ADGRV1: variants seen among roughly 807,000 people sequenced by gnomAD.
ADGRV1 encodes adhesion G protein-coupled receptor V1, also known as G-protein coupled receptor 98.
In ADGRV1, 359 loss-of-function variants were observed where a neutral mutation model predicts 596.2. The observed-to-expected ratio is 0.60, with a 90% CI of 0.55 to 0.66. The LOEUF (loss-of-function observed/expected upper bound fraction) is 0.66. ADGRV1 is among the 30% of genes least tolerant of loss of function. ADGRV1 has a pLI of 0.00. For synonymous variants in ADGRV1, 2,681 were observed against 2,679.2 expected (o/e 1.00, Z -0.02); for missense variants, 7,274 against 7,575.6 (o/e 0.96, Z 1.48).
intron 25 of ADGRV1, chr5:90,676,851 ATACCT>A (rs1484894615): frequency 6.6e-6 from 1 of 152,210 alleles, no homozygotes; most frequent in East Asian, 1.9e-4. Context: ...GAAGTCAACA[ATACCT>A]TAACTTCAGT....
At chr5:90,890,861 A>G (rs1304470511) in intron 83 of ADGRV1, among the ~76,000 whole-genome samples, 3 of 152,044 alleles carry the variant, frequency 2.0e-5, no homozygotes, top group African/African-American at 7.2e-5. Flanking sequence ...TTTTTTTACT[A>G]TTTTTTATCT....
intron 85 of ADGRV1, among the ~76,000 whole-genome samples, chr5:91,063,437 C>G (rs781424561): frequency 2.0e-5 from 3 of 152,230 alleles, no homozygotes; most frequent in South Asian, 2.1e-4. Flanking sequence ...TCATAGCATT[C>G]TATTTTTAGT....
At chr5:90,619,508 C>A (rs1443027977) in intron 4 of ADGRV1, among the ~76,000 whole-genome samples, 1 of 152,092 alleles carries the variant, frequency 6.6e-6, no homozygotes, top group African/African-American at 2.4e-5. Flanking sequence ...CAAATGTCAC[C>A]TAAAGAAAGT....
intron 21 of ADGRV1, among the ~76,000 whole-genome samples, chr5:90,664,551 A>G (rs202153171): frequency 0.48 from 54,772 of 114,994 alleles, 13,296 homozygotes; most frequent in East Asian, 0.74. Flanking sequence ...CAATCATGTC[A>G]TCTGCAAACA....
At chr5:90,618,591 G>A (rs1390730298) in intron 3 of ADGRV1, among the ~76,000 whole-genome samples, 1 of 151,954 alleles carries the variant, frequency 6.6e-6, no homozygotes, top group African/African-American at 2.4e-5. Context: ...CTTTTGTGCT[G>A]CTGTTGAATA....
At chr5:90,884,934 CT>C (rs959219959) in intron 83 of ADGRV1, among the ~76,000 whole-genome samples, 1 of 152,096 alleles carries the variant, frequency 6.6e-6, no homozygotes, top group African/African-American at 2.4e-5. Flanking sequence ...ACTCTCATTC[CT>C]GTACAATGGC....
At chr5:91,049,233 T>C (rs1356750204) in intron 85 of ADGRV1, among the ~76,000 whole-genome samples, 1 of 152,226 alleles carries the variant, frequency 6.6e-6, no homozygotes, top group African/African-American at 2.4e-5. Context: ...AGCACTGGTT[T>C]ATTCTCATAA....
chr5:90,821,616 G>C (rs1049333542), intron 75 of ADGRV1, among the ~76,000 whole-genome samples: 2 of 150,942 alleles, frequency 1.3e-5, no homozygotes, highest in African/African-American at 4.8e-5. Context: ...CTTTCTGTTT[G>C]TTAGTTTTCC....
At chr5:90,693,480 T>C (rs75737963) in intron 32 of ADGRV1, among the ~76,000 whole-genome samples, 2,199 of 152,202 alleles carry the variant, frequency 0.014, 30 homozygotes, top group East Asian at 0.072. Context: ...ATTTTTGATC[T>C]GCGGTCTTGA....
chr5:90,820,505 T>TA (rs1436956398), intron 75 of ADGRV1, among the ~76,000 whole-genome samples: 8 of 152,190 alleles, frequency 5.3e-5, no homozygotes, highest in African/African-American at 1.9e-4. Context: ...AGTTTCTTCT[T>TA]AGTCTCGATG....
At position 90,644,617 on chromosome 5, in the gene ADGRV1, T is replaced by A. The variant is rs1052578273; in HGVS notation, c.2735-89T>A. Reference sequence around the variant, plus strand: ...AGTTATTAAAAAGAGGTGTTGTTTTTATTTTTGTTTATTTAACCGATTTCT... The same window carrying A: ...AGTTATTAAAAAGAGGTGTTGTTTTAATTTTTGTTTATTTAACCGATTTCT... On this transcript the variant is annotated intron_variant, in intron 14 of 89. Transcript: ENST00000405460. 1.4e-5 allele frequency: 14 copies of A among 1,010,784 alleles called. No individual in the cohort carries two copies. In the Admixed American group the frequency reaches 3.3e-4, roughly 24 times the overall value. The allele number at this position is 1,010,784 out of a possible 1,614,324, so 62.6% of individuals were successfully genotyped here. A position where few individuals can be genotyped will look rare whatever the true frequency, so the allele number is the denominator to read the frequency against.
intron 34 of ADGRV1, among the ~76,000 whole-genome samples, chr5:90,701,398 G>A (rs1747889559): frequency 6.6e-6 from 1 of 151,966 alleles, no homozygotes; most frequent in Non-Finnish European, 1.5e-5. Flanking sequence ...CATTTTAAAT[G>A]GACCTGGCTC....
Position 90,956,489 on chromosome 5 carries a change from T to C in ADGRV1, c.17857-8926T>C, listed in dbSNP as rs185743212. 2.2e-3 allele frequency among the ~76,000 whole-genome samples: 331 copies of C among 152,296 alleles called. 1 individual carries two copies. Among genetic ancestry groups the C allele is most frequent in the African/African-American group, 7.6e-3 (317 of 41,578 alleles). On this transcript the variant is annotated intron_variant, in intron 83 of 89. Coordinates refer to ENST00000405460, the MANE Select transcript of ADGRV1 (RefSeq NM_032119.4). ...AATTTAATTATGTTCACTCCAGATA[T>C]AGAGACTGTTTTGTTTCCACAGAAT...
chr5:90,810,341 A>G lies in ADGRV1; in HGVS notation c.15081A>G (p.Val5027=), dbSNP rs376682809. The change falls in exon 74 of 90, where the codon GTA becomes GTG. Residue 5027 remains valine, a synonymous_variant. Coordinates refer to ENST00000405460, the MANE Select transcript of ADGRV1 (RefSeq NM_032119.4). ...ATACACAGATGATCAGATTACATGT[A>G]CAAAGACTATTTGGGTTCCACAGCG... is the stretch of plus-strand genomic sequence containing the variant. ...SEDTQMIRLH[V]QRLFGFHSDL... The G allele has an allele frequency of 3.1e-6, 5 of 1,613,198 alleles. No homozygotes were observed. In the African/African-American group the frequency reaches 4.0e-5, roughly 13 times the overall value.
At chr5:90,937,084 A>G (rs1423634332) in intron 83 of ADGRV1, among the ~76,000 whole-genome samples, 1 of 152,108 alleles carries the variant, frequency 6.6e-6, no homozygotes, top group East Asian at 1.9e-4. Context: ...TTCTCCTTCT[A>G]CTAGACTTTA....
In ADGRV1 at chr5:90,685,091, T is replaced by G. The variant is rs1488795079; in HGVS notation, c.6275-689T>G. ...TAATTATACTCTAATGATTTTTTCCTTTTTGATAACTTTTCAACACATATT... is the reference window on the plus strand; with the variant it reads ...TAATTATACTCTAATGATTTTTTCCGTTTTGATAACTTTTCAACACATATT... On this transcript the variant is annotated intron_variant, in intron 28 of 89. Transcript: ENST00000405460. Among the ~76,000 whole-genome samples the G allele has an allele frequency of 2.0e-5, 3 of 152,304 alleles. No individual in the cohort carries two copies. The South Asian group carries it at 6.2e-4, about 32-fold the overall frequency.
chr5:90,775,075 A>G (rs1758084959), intron 60 of ADGRV1, among the ~76,000 whole-genome samples: 1 of 152,176 alleles, frequency 6.6e-6, no homozygotes, highest in African/African-American at 2.4e-5. Context: ...TAATGATTCT[A>G]AAATGGTTTT....
In ADGRV1 at chr5:90,690,813, A is replaced by G; in HGVS notation, c.6723A>G (p.Lys2241=). The change falls in exon 31 of 90, where the codon AAA becomes AAG. Residue 2241 remains lysine, a synonymous_variant. Transcript: ENST00000405460. ...ACCCTTCAGGTTTTCAGATTACTAAACTTATTGTAGAGGAACCTGAGTTTA... is the reference window on the plus strand; with the variant it reads ...ACCCTTCAGGTTTTCAGATTACTAAGCTTATTGTAGAGGAACCTGAGTTTA... ...PYGLFGFQIT[K]LIVEEPEFNS... The G allele has an allele frequency of 6.3e-7, 1 of 1,596,316 alleles. No individual in the cohort carries two copies. The highest frequency in any genetic ancestry group is 1.3e-5 in the African/African-American group (1 of 74,786).
intron 83 of ADGRV1, among the ~76,000 whole-genome samples, chr5:90,904,382 A>G (rs1772127235): frequency 6.6e-6 from 1 of 151,962 alleles, no homozygotes; most frequent in African/African-American, 2.4e-5. Flanking sequence ...CCCAGCAACA[A>G]TGTCTGAGGG....
Sources: allele counts gnomAD v4.1 joint callset (sites outside exome capture counted in the v4.1 genomes callset), GRCh38; gene constraint gnomAD v4.1.1; transcripts MANE v1.5; gene names NCBI Gene and HGNC (gene_info 2026-07-23, HGNC 2026-07-21).